Variants in NLRP13 observed in about 807,000 individuals in gnomAD.
The protein encoded by NLRP13 is NACHT, LRR and PYD domains-containing protein 13.
A neutral mutation model predicts 94.4 loss-of-function variants in NLRP13; 82 were observed. The ratio of observed to expected loss-of-function variants is 0.87; its 90% CI spans 0.73 to 1.04. The LOEUF (loss-of-function observed/expected upper bound fraction) is 1.04, where lower values mean the gene tolerates loss of function less well. Ranked by LOEUF, NLRP13 falls within the 50% of genes least tolerant of loss-of-function variation. The pLI is 0.00. For missense variants in NLRP13, 1,426 were observed against 1,230.8 expected (o/e 1.16, Z -2.37); for synonymous variants, 553 against 464.7 (o/e 1.19, Z -2.45).
In NLRP13 at chr19:55,908,265, C is replaced by A. The variant is rs148904753; in HGVS notation, c.2283-309G>T. ...CCACCTATTCTTCTAGGAAATGACC[C>A]CCCCATATACACATACAATCCAACC... On this transcript the variant is annotated intron_variant, in intron 6 of 10. Coordinates refer to ENST00000342929, the MANE Select transcript of NLRP13 (RefSeq NM_176810.2). Among the ~76,000 whole-genome samples, 6 of 152,200 alleles carry A rather than the reference C, an allele frequency of 3.9e-5. No individual in the cohort carries two copies. In the East Asian group the frequency reaches 1.2e-3, roughly 29 times the overall value.
At position 55,913,668 on chromosome 19, in the gene NLRP13, G is replaced by T. The variant is rs547738363; in HGVS notation, c.524-375C>A. 2.6e-5 allele frequency among the ~76,000 whole-genome samples: 4 copies of T among 151,954 alleles called. No individual in the cohort carries two copies. In the East Asian group the frequency reaches 7.7e-4, roughly 29 times the overall value. Reference sequence around the variant, plus strand: ...CGATCAAGAACACCTTTAAGAGAGGGCAGAGAAGGGATCATAGCGAGAAGC... The same window carrying T: ...CGATCAAGAACACCTTTAAGAGAGGTCAGAGAAGGGATCATAGCGAGAAGC... On this transcript the variant is annotated intron_variant, in intron 4 of 10. Coordinates refer to ENST00000342929, the MANE Select transcript of NLRP13 (RefSeq NM_176810.2).
At chr19:55,898,559 G>T (rs1042262978) in intron 10 of NLRP13, among the ~76,000 whole-genome samples, 1 of 151,920 alleles carries the variant, frequency 6.6e-6, no homozygotes, top group South Asian at 2.1e-4. Flanking sequence ...TGGTCAGGCT[G>T]CTCTCGAACT....
Position 55,912,550 on chromosome 19 carries a change from T to G in NLRP13, c.1267A>C (p.Ser423Arg), listed in dbSNP as rs1986551946. The G allele has an allele frequency of 6.2e-7, 1 of 1,614,008 alleles. No homozygotes were observed. Among genetic ancestry groups the G allele is most frequent in the Non-Finnish European group, 8.5e-7 (1 of 1,179,990 alleles). ...ACGGTCCAACACACCATGGGGGCACTGCAGGAATGAAAGAGAGTTTCGTTT... is the reference window on the plus strand; with the variant it reads ...ACGGTCCAACACACCATGGGGGCACGGCAGGAATGAAAGAGAGTTTCGTTT... ...RKNETLFHSCSAPMVCWTVCS... is the reference protein window; with the variant it reads ...RKNETLFHSCRAPMVCWTVCS... Residue 423 changes from serine (S) to arginine (R), a missense_variant, in exon 5 of 11, where the codon AGT (serine) becomes CGT (arginine). Transcript: ENST00000342929.
In NLRP13 at chr19:55,932,230, G is replaced by A; in HGVS notation, c.82C>T (p.Gln28Ter). 2 of 1,613,690 alleles carry A rather than the reference G, an allele frequency of 1.2e-6. No homozygotes were observed. Among genetic ancestry groups the A allele is most frequent in the Non-Finnish European group, 1.7e-6 (2 of 1,179,866 alleles). ...LPYLMALDQY[Q>*]LEEFKLCLEP... ...AAGCAAAGCTTGAATTCCTCCAGCT[G>A]ATACTGATCCAGGGCCATCAGGTAA... The change falls in exon 1 of 11, where the codon CAG becomes TAG. Residue 28 changes from glutamine (Q) to a stop codon, truncating the protein, a stop_gained. Transcript: ENST00000342929. LOFTEE classifies it high-confidence loss of function.
At chr19:55,927,772 C>A (rs554974178) in intron 1 of NLRP13, among the ~76,000 whole-genome samples, 1 of 152,246 alleles carries the variant, frequency 6.6e-6, no homozygotes, top group South Asian at 2.1e-4. Flanking sequence ...GGAACAGTGA[C>A]CCCAGTTTAA....
Position 55,932,260 on chromosome 19 carries a change from G to A in NLRP13, c.52C>T (p.Leu18=), listed in dbSNP as rs1241606875. 1.9e-6 allele frequency: 3 copies of A among 1,611,756 alleles called. No homozygotes were observed. The highest frequency in any genetic ancestry group is 2.5e-6 in the Non-Finnish European group (3 of 1,179,380). Reference sequence around the variant, plus strand: ...TGATCCAGGGCCATCAGGTAAGGCAGAAGCCCTTGGTTGGTACCACCGTTG... The same window carrying A: ...TGATCCAGGGCCATCAGGTAAGGCAAAAGCCCTTGGTTGGTACCACCGTTG... The part of the protein sequence containing the change: ...CPNGGTNQGL[L]PYLMALDQYQ... Residue 18 remains leucine, a synonymous_variant, in exon 1 of 11, where the codon CTG becomes TTG. Coordinates refer to ENST00000342929, the MANE Select transcript of NLRP13 (RefSeq NM_176810.2).
chr19:55,905,210 T>C, intron 7 of NLRP13, 98 bp from the exon 8 acceptor site: 3 of 1,260,692 alleles, frequency 2.4e-6, no homozygotes, highest in South Asian at 2.8e-5. Flanking sequence ...CCAAACATTA[T>C]GGGAAGATTA....
At chr19:55,929,880 AAAAAAAAGAAAAG>A (rs139786359) in intron 1 of NLRP13, among the ~76,000 whole-genome samples, 27,971 of 151,940 alleles carry the variant, frequency 0.18, 2,769 homozygotes, top group African/African-American at 0.26. Flanking sequence ...TGGTTCTTTG[AAAAAAAAGAAAAG>A]AAAAGAAATT....
chr19:55,898,974 T>A, intron 9 of NLRP13, 37 bp from the exon 10 acceptor site: 1 of 1,594,654 alleles, frequency 6.3e-7, no homozygotes, highest in South Asian at 1.1e-5. Flanking sequence ...GGGAAAGTAA[T>A]TGCGTCCCGA....
At chr19:55,908,962 T>A (rs924535306) in intron 6 of NLRP13, among the ~76,000 whole-genome samples, 3 of 152,222 alleles carry the variant, frequency 2.0e-5, no homozygotes, top group African/African-American at 7.2e-5. Flanking sequence ...CTGCCTCTCA[T>A]GAGTTTGGTC....
chr19:55,912,319 T>C lies in NLRP13; in HGVS notation c.1498A>G (p.Lys500Glu). The C allele has an allele frequency of 6.2e-7, 1 of 1,614,100 alleles. No individual in the cohort carries two copies. Among genetic ancestry groups the C allele is most frequent in the Non-Finnish European group, 8.5e-7 (1 of 1,180,012 alleles). Residue 500 changes from lysine to glutamate, a missense_variant, in exon 5 of 11, where the codon AAA becomes GAA. Physicochemically the swap from Lys to Glu is moderately conservative, Grantham distance 56 (BLOSUM62 1). Transcript: ENST00000342929. ...AGGCCCTCGATCTCAGTGTCTTCTT[T>C]GTTAAACGTGAAGTTCATAGACCAC... is the stretch of plus-strand genomic sequence containing the variant. ...GLWSMNFTFNKEDTEIEGLEV... is the reference protein window; with the variant it reads ...GLWSMNFTFNEEDTEIEGLEV...
intron 4 of NLRP13, among the ~76,000 whole-genome samples, chr19:55,920,495 T>C (rs936257239): frequency 2.6e-5 from 4 of 151,800 alleles, no homozygotes; most frequent in African/African-American, 9.7e-5. Context: ...AGAAAGGACA[T>C]AAGCAGACAT....
At chr19:55,909,351 T>TC (rs1247646446) in intron 6 of NLRP13, among the ~76,000 whole-genome samples, 1 of 152,136 alleles carries the variant, frequency 6.6e-6, no homozygotes, top group African/African-American at 2.4e-5. Flanking sequence ...GAGAGGACCC[T>TC]CCCCCTGCTC....
intron 8 of NLRP13, among the ~76,000 whole-genome samples, chr19:55,904,062 C>G (rs1276420688): frequency 6.6e-6 from 1 of 152,170 alleles, no homozygotes. Flanking sequence ...TCCAACCATG[C>G]TAGCTTCCTC....
chr19:55,924,113 C>T (rs1043649095), intron 3 of NLRP13, 134 bp from the exon 4 acceptor site: 1 of 688,062 alleles, frequency 1.5e-6, no homozygotes, highest in African/African-American at 1.8e-5. Context: ...ATCAGCATGC[C>T]CAGTTTATAT....
chr19:55,928,293 C>T (rs73611431), intron 1 of NLRP13, among the ~76,000 whole-genome samples: 5,611 of 152,232 alleles, frequency 0.037, 320 homozygotes, highest in African/African-American at 0.13. Context: ...AAATGCTTGA[C>T]GGGAGGGACA....
At chr19:55,903,239 C>T (rs1053601205) in intron 8 of NLRP13, among the ~76,000 whole-genome samples, 1 of 152,074 alleles carries the variant, frequency 6.6e-6, no homozygotes, top group Non-Finnish European at 1.5e-5. Context: ...TGTGAATCAC[C>T]TATCGATAAT....
At chr19:55,925,333 C>A (rs971656840) in intron 1 of NLRP13, among the ~76,000 whole-genome samples, 8 of 152,228 alleles carry the variant, frequency 5.3e-5, no homozygotes, top group African/African-American at 1.9e-4. Flanking sequence ...ATCTTACCTC[C>A]ACAATGGTGC....
chr19:55,911,285 G>A lies in NLRP13; in HGVS notation c.2111+421C>T, dbSNP rs944604356. Among the ~76,000 whole-genome samples, 5 of 152,164 alleles carry A rather than the reference G, an allele frequency of 3.3e-5. No individual in the cohort carries two copies. The East Asian group carries it at 5.8e-4, about 18-fold the overall frequency. On this transcript the variant is annotated intron_variant, in intron 5 of 10. Coordinates refer to ENST00000342929, the MANE Select transcript of NLRP13 (RefSeq NM_176810.2). ...CTTACTCTGTTGCCCAGGCTGGAGTGCAGTGATGTGATCTCTGCTTGCTGC... is the reference window on the plus strand; with the variant it reads ...CTTACTCTGTTGCCCAGGCTGGAGTACAGTGATGTGATCTCTGCTTGCTGC...
Sources: gnomAD v4.1 joint callset for allele counts (sites outside exome capture counted in the v4.1 genomes callset) on GRCh38, gnomAD v4.1.1 for gene constraint, MANE v1.5 for transcripts, NCBI Gene and HGNC (gene_info 2026-07-23, HGNC 2026-07-21) for gene names.